The following MYO18B variants were observed in gnomAD, a reference collection of about 807,000 sequenced individuals.
MYO18B encodes the protein unconventional myosin-XVIIIb.
A neutral mutation model predicts 273.0 loss-of-function variants in MYO18B; 204 were observed. The ratio of observed to expected loss-of-function variants is 0.75; its 90% CI spans 0.67 to 0.84. MYO18B has a LOEUF of 0.84. Among genes scored for constraint, MYO18B ranks in the 40% least tolerant of loss-of-function variants. The pLI is 0.00. For synonymous variants in MYO18B, 1,330 were observed against 1,305.7 expected (o/e 1.02, Z -0.40); for missense variants, 3,212 against 3,287.6 (o/e 0.98, Z 0.56).
At chr22:25,937,740 C>A (rs1051249199) in intron 34 of MYO18B, among the ~76,000 whole-genome samples, 1 of 152,188 alleles carries the variant, frequency 6.6e-6, no homozygotes, top group African/African-American at 2.4e-5. Context: ...CATGCACCAC[C>A]GCGCCTGGCT....
chr22:25,862,656 A>C (rs1243872296), intron 21 of MYO18B, among the ~76,000 whole-genome samples: 2 of 152,174 alleles, frequency 1.3e-5, no homozygotes, highest in East Asian at 3.8e-4. Flanking sequence ...ATCTCACTGC[A>C]TTCTGGACTT....
At chr22:25,969,418 G>A (rs561268925) in intron 39 of MYO18B, among the ~76,000 whole-genome samples, 1 of 152,290 alleles carries the variant, frequency 6.6e-6, no homozygotes, top group East Asian at 1.9e-4. Flanking sequence ...ATAAAATACA[G>A]CTTGATAACC....
chr22:25,852,556 T>C (rs1361963871), intron 21 of MYO18B, among the ~76,000 whole-genome samples: 1 of 152,242 alleles, frequency 6.6e-6, no homozygotes, highest in Non-Finnish European at 1.5e-5. Context: ...GCCACAGGCT[T>C]ATCGATGATT....
intron 11 of MYO18B, among the ~76,000 whole-genome samples, chr22:25,788,861 G>A (rs2087513465): frequency 6.6e-6 from 1 of 152,174 alleles, no homozygotes. Flanking sequence ...AGTACCAGCG[G>A]TTAAGCTGGG....
chr22:25,987,279 A>G (rs574341288), intron 39 of MYO18B, among the ~76,000 whole-genome samples: 1 of 152,328 alleles, frequency 6.6e-6, no homozygotes, highest in South Asian at 2.1e-4. Context: ...AGAGGAGATG[A>G]TTTTAATTGC....
intron 1 of MYO18B, among the ~76,000 whole-genome samples, chr22:25,748,469 G>A (rs986721416): frequency 5.3e-5 from 8 of 151,996 alleles, no homozygotes; most frequent in African/African-American, 1.7e-4. Context: ...AATGTCCTAT[G>A]TATTAGTGAC....
At chr22:25,815,626 C>T (rs988742822) in intron 12 of MYO18B, among the ~76,000 whole-genome samples, 1 of 152,140 alleles carries the variant, frequency 6.6e-6, no homozygotes, top group Non-Finnish European at 1.5e-5. Context: ...CCACAATTCC[C>T]ACCACCTCAA....
Position 25,874,414 on chromosome 22 carries a change from G to T in MYO18B, c.4080G>T (p.Lys1360Asn). ...FLSRQEFKKL[K>N]IRRLAAQCIQ... ...CTCGCCAGGAATTCAAGAAGCTGAA[G>T]GTACTGCATGCCGTTCCCATGAGGA... Residue 1360 changes from lysine to asparagine, a missense_variant and splice_region_variant, in exon 23 of 44, where the codon AAG becomes AAT. By Grantham distance (94) the Lys-to-Asn change is moderately conservative (BLOSUM62 0). Transcript: ENST00000335473. The T allele has an allele frequency of 6.2e-7, 1 of 1,612,916 alleles. No homozygotes were observed. Among genetic ancestry groups the T allele is most frequent in the African/African-American group, 1.3e-5 (1 of 75,022 alleles).
chr22:25,941,617 T>C (rs1171037129), intron 34 of MYO18B, among the ~76,000 whole-genome samples: 1 of 152,250 alleles, frequency 6.6e-6, no homozygotes, highest in Non-Finnish European at 1.5e-5. Context: ...TGCTGGGTCA[T>C]CCATAATAAA....
At chr22:25,880,373 G>A (rs985639751) in intron 25 of MYO18B, among the ~76,000 whole-genome samples, 1 of 152,098 alleles carries the variant, frequency 6.6e-6, no homozygotes, top group African/African-American at 2.4e-5. Context: ...TATATAAAAT[G>A]TTGATATTTT....
intron 43 of MYO18B, among the ~76,000 whole-genome samples, chr22:26,028,913 AT>A (rs1336702422): frequency 6.7e-6 from 1 of 149,460 alleles, no homozygotes; most frequent in Non-Finnish European, 1.5e-5. Flanking sequence ...AAAAAAATTC[AT>A]TGCTAACCAA....
intron 39 of MYO18B, among the ~76,000 whole-genome samples, chr22:25,988,465 C>T (rs1016492384): frequency 3.3e-5 from 5 of 152,080 alleles, no homozygotes; most frequent in Non-Finnish European, 7.4e-5. Flanking sequence ...GGCAGATCCA[C>T]GAACCCTGTC....
intron 1 of MYO18B, among the ~76,000 whole-genome samples, chr22:25,745,971 C>T (rs2085767666): frequency 6.6e-6 from 1 of 152,172 alleles, no homozygotes; most frequent in African/African-American, 2.4e-5. Flanking sequence ...CCCCATTTTA[C>T]AGGCCAGGAA....
chr22:26,003,753 G>T (rs2146914195), intron 41 of MYO18B, among the ~76,000 whole-genome samples: 1 of 152,218 alleles, frequency 6.6e-6, no homozygotes, highest in South Asian at 2.1e-4. Flanking sequence ...AACCTTCAAA[G>T]AAGATGTAGC....
intron 39 of MYO18B, among the ~76,000 whole-genome samples, chr22:25,961,467 A>G (rs1324676057): frequency 6.6e-6 from 1 of 152,130 alleles, no homozygotes; most frequent in African/African-American, 2.4e-5. Flanking sequence ...TTGAAATTTG[A>G]TCCTCAGTTT....
At chr22:25,869,088 TG>T (rs374392141) in intron 22 of MYO18B, among the ~76,000 whole-genome samples, 2 of 152,004 alleles carry the variant, frequency 1.3e-5, no homozygotes, top group African/African-American at 2.4e-5. Context: ...GTTTGGGAAG[TG>T]GGGCACGGAG....
At chr22:25,921,702 T>TTGTGTGTGTGTG (rs3070571) in intron 34 of MYO18B, among the ~76,000 whole-genome samples, 60 of 145,600 alleles carry the variant, frequency 4.1e-4, no homozygotes, top group Non-Finnish European at 5.7e-4. Flanking sequence ...AGTGTGCCTG[T>TTGTGTGTGTGTG]TGTGTGTGTG....
At chr22:26,003,836 A>T (rs920707770) in intron 41 of MYO18B, among the ~76,000 whole-genome samples, 2 of 152,064 alleles carry the variant, frequency 1.3e-5, no homozygotes, top group Admixed American at 1.3e-4. Flanking sequence ...TGAAAGAAAA[A>T]ATTATTAATG....
At chr22:25,926,420 G>T (rs1222215752) in intron 34 of MYO18B, among the ~76,000 whole-genome samples, 1 of 151,838 alleles carries the variant, frequency 6.6e-6, no homozygotes, top group Non-Finnish European at 1.5e-5. Context: ...GAGTAGCTGG[G>T]ATCACAGGCA....
Sources: gnomAD v4.1 joint callset for allele counts (sites outside exome capture counted in the v4.1 genomes callset) on GRCh38, gnomAD v4.1.1 for gene constraint, MANE v1.5 for transcripts, NCBI Gene and HGNC (gene_info 2026-07-23, HGNC 2026-07-21) for gene names.